FBN2: variants seen among roughly 807,000 people sequenced by gnomAD.
FBN2 encodes fibrillin-2.
FBN2 carries 105 observed loss-of-function variants against 355.6 expected under a neutral mutation model. The observed-to-expected ratio is 0.30, with a 90% confidence interval of 0.25 to 0.35. FBN2 has a LOEUF of 0.35. Among genes scored for constraint, FBN2 ranks in the 10% least tolerant of loss-of-function variants. The pLI is 1.00. For synonymous variants in FBN2, 1,350 were observed against 1,301.2 expected (o/e 1.04, Z -0.81); for missense variants, 3,280 against 3,758.7 (o/e 0.87, Z 3.33).
At position 128,464,940 on chromosome 5, in the gene FBN2, A is replaced by T. The variant is rs374428361; in HGVS notation, c.629-19T>A. 6.2e-7 allele frequency: 1 copy of T among 1,612,076 alleles called. No homozygotes were observed. Among genetic ancestry groups the T allele is most frequent in the African/African-American group, 1.3e-5 (1 of 74,892 alleles). On this transcript the variant is annotated intron_variant, in intron 5 of 64. Coordinates refer to ENST00000262464, the MANE Select transcript of FBN2 (RefSeq NM_001999.4). ...CTGTAATCTGGAATGTGGGAGAAGA[A>T]AGAAAGACAGGTTTTATGATCATAT... is the stretch of plus-strand genomic sequence containing the variant.
rs145340419 is a variant in FBN2 at position 128,420,620 on chromosome 5, C to T, written c.953-11821G>A. Among the ~76,000 whole-genome samples the T allele has an allele frequency of 1.2e-4, 19 of 152,054 alleles. No individual in the cohort carries two copies. In the East Asian group the frequency reaches 2.5e-3, roughly 20 times the overall value. On this transcript the variant is annotated intron_variant, in intron 7 of 64. Transcript: ENST00000262464. ...TAAACACATTGAAAATTTAGCTTAC[C>T]GATGACAACTAAATGGCCATAAATG...
At chr5:128,284,887 C>G (rs1469789546) in intron 55 of FBN2, among the ~76,000 whole-genome samples, 1 of 152,176 alleles carries the variant, frequency 6.6e-6, no homozygotes, top group African/African-American at 2.4e-5. Flanking sequence ...CAAAAACACT[C>G]CATACTTTTC....
intron 7 of FBN2, among the ~76,000 whole-genome samples, chr5:128,437,785 G>GT (rs1343360881): frequency 2.2e-4 from 19 of 87,276 alleles, no homozygotes; most frequent in African/African-American, 8.9e-4. Flanking sequence ...TAGATAGATA[G>GT]ATAGATAGAT....
rs1764881598 is a variant in FBN2, at chr5:128,258,758, TTG to T, written c.*695_*696del. 1 of 152,880 alleles carries T rather than the reference TTG, an allele frequency of 6.5e-6. No individual in the cohort carries two copies. The highest frequency in any genetic ancestry group is 2.1e-4 in the South Asian group (1 of 4,848). 9.5% of individuals were successfully genotyped at this position (152,880 alleles called of 1,614,324 possible). A position where few individuals can be genotyped will look rare whatever the true frequency, so the allele number is the denominator to read the frequency against. ...CTGGTGTGTCTGGTGATATGAAATG[TTG>T]TCACAAATGAGCTGCTTTGGCTTCG... On this transcript the variant is annotated 3_prime_UTR_variant, in exon 65 of 65. Coordinates refer to ENST00000262464, the MANE Select transcript of FBN2 (RefSeq NM_001999.4).
At chr5:128,526,893 A>G (rs1313444290) in intron 4 of FBN2, among the ~76,000 whole-genome samples, 1 of 152,160 alleles carries the variant, frequency 6.6e-6, no homozygotes, top group Admixed American at 6.5e-5. Context: ...TTTGTTATGT[A>G]TATTTTACAA....
chr5:128,349,734 T>G (rs570615409), intron 22 of FBN2, among the ~76,000 whole-genome samples: 17 of 152,328 alleles, frequency 1.1e-4, no homozygotes, highest in African/African-American at 3.8e-4. Context: ...GCTAGCGATG[T>G]CTTCATGAAA....
intron 12 of FBN2, 36 bp downstream of exon 12, chr5:128,378,735 T>C (rs1289444683): frequency 2.1e-5 from 34 of 1,611,380 alleles, no homozygotes; most frequent in Non-Finnish European, 2.6e-5. Context: ...CTATATTTCA[T>C]GGAACATTTT....
intron 7 of FBN2, among the ~76,000 whole-genome samples, chr5:128,417,596 A>G (rs1258288674): frequency 1.3e-5 from 2 of 152,104 alleles, no homozygotes; most frequent in Non-Finnish European, 2.9e-5. Context: ...TCCTGCATCT[A>G]TTGAGATGAT....
At chr5:128,439,205 T>G (rs1309282549) in intron 7 of FBN2, among the ~76,000 whole-genome samples, 1 of 152,330 alleles carries the variant, frequency 6.6e-6, no homozygotes, top group South Asian at 2.1e-4. Context: ...ATAACCTTAT[T>G]AAAATCCATC....
intron 36 of FBN2, among the ~76,000 whole-genome samples, chr5:128,313,839 C>T (rs1196381679): frequency 3.6e-5 from 4 of 111,610 alleles, no homozygotes; most frequent in Admixed American, 1.3e-4. Flanking sequence ...GGCAACAGAG[C>T]GAGACTCTGT....
At chr5:128,364,787 C>A in intron 17 of FBN2, 62 bp from the exon 18 acceptor site, 8 of 1,426,058 alleles carry the variant, frequency 5.6e-6, no homozygotes, top group Non-Finnish European at 7.9e-6. Flanking sequence ...TTGATAAATG[C>A]AGGTCTAGTA....
chr5:128,318,839 C>T, intron 35 of FBN2, 40 bp downstream of exon 35: 2 of 1,601,214 alleles, frequency 1.2e-6, no homozygotes, highest in South Asian at 2.2e-5. Flanking sequence ...ATACTCATTT[C>T]AATGAATCAG....
chr5:128,511,251 G>A (rs990666354), intron 5 of FBN2, among the ~76,000 whole-genome samples: 1 of 152,152 alleles, frequency 6.6e-6, no homozygotes, highest in African/African-American at 2.4e-5. Flanking sequence ...GACGTTTGTG[G>A]AGAACTGCTT....
chr5:128,398,658 T>C (rs1366990010), intron 8 of FBN2, among the ~76,000 whole-genome samples: 1 of 151,932 alleles, frequency 6.6e-6, no homozygotes, highest in African/African-American at 2.4e-5. Context: ...TTAAGAAATA[T>C]GAAGGTGAGA....
chr5:128,492,796 T>A, intron 5 of FBN2, among the ~76,000 whole-genome samples: 1 of 62,710 alleles, frequency 1.6e-5, no homozygotes, highest in African/African-American at 8.4e-5. Flanking sequence ...AGAGCGAAAC[T>A]CCATCTCAAA....
At chr5:128,506,214 G>A (rs1755955755) in intron 5 of FBN2, among the ~76,000 whole-genome samples, 1 of 152,022 alleles carries the variant, frequency 6.6e-6, no homozygotes, top group Non-Finnish European at 1.5e-5. Context: ...TAAGACTTTT[G>A]CTGTGATTTT....
At chr5:128,465,712 C>T (rs1369432687) in intron 5 of FBN2, among the ~76,000 whole-genome samples, 1 of 152,108 alleles carries the variant, frequency 6.6e-6, no homozygotes, top group Admixed American at 6.6e-5. Flanking sequence ...GTACATTGTC[C>T]AGCTCTGTTA....
At chr5:128,364,845 GC>G (rs1330816897) in intron 17 of FBN2, 120 bp from the exon 18 acceptor site, 5 of 849,354 alleles carry the variant, frequency 5.9e-6, no homozygotes. Context: ...CTCACAATTT[GC>G]CTGCCTTTCA....
chr5:128,391,646 C>T (rs1752513951), intron 11 of FBN2, among the ~76,000 whole-genome samples: 1 of 152,046 alleles, frequency 6.6e-6, no homozygotes, highest in Non-Finnish European at 1.5e-5. Flanking sequence ...GATTTTAGTC[C>T]ATTGGTGTCT....
Sources: gnomAD v4.1 joint callset for allele counts (sites outside exome capture counted in the v4.1 genomes callset) on GRCh38, gnomAD v4.1.1 for gene constraint, MANE v1.5 for transcripts, NCBI Gene and HGNC (gene_info 2026-07-23, HGNC 2026-07-21) for gene names.